The following TBXAS1 variants were observed in gnomAD, a reference collection of about 807,000 sequenced individuals.
TBXAS1 encodes the protein thromboxane-A synthase.
In TBXAS1, 48 loss-of-function variants were observed where a neutral mutation model predicts 60.7. The observed-to-expected ratio is 0.79, with a 90% CI of 0.63 to 1.01. The LOEUF is 1.01. Among genes scored for constraint, TBXAS1 ranks in the 50% least tolerant of loss-of-function variants. TBXAS1 has a pLI of 0.00. For synonymous variants in TBXAS1, 287 were observed against 269.7 expected, an observed-to-expected ratio of 1.06 and a Z score of -0.63; for missense variants, 685 against 686.3, an observed-to-expected ratio of 1.00 and a Z score of 0.02.
intron 12 of TBXAS1, among the ~76,000 whole-genome samples, chr7:140,018,557 T>TC (rs578133271): frequency 4.6e-5 from 7 of 150,806 alleles, no homozygotes; most frequent in Admixed American, 1.3e-4. Context: ...CAGCCCTATC[T>TC]CCCCCCCACA....
chr7:139,906,009 T>C, intron 3 of TBXAS1: 1 of 231,100 alleles, frequency 4.3e-6, no homozygotes, highest in Non-Finnish European at 9.1e-6. Flanking sequence ...CATTTTGAGT[T>C]CATTTTTTGC....
intron 4 of TBXAS1, among the ~76,000 whole-genome samples, chr7:139,805,712 T>TTCTTTC (rs753031062): frequency 0.064 from 2,815 of 43,988 alleles, 44 homozygotes; most frequent in Middle Eastern, 0.11. Flanking sequence ...CTTTCTTTCT[T>TTCTTTC]TCTCTCTCTC....
At chr7:139,922,177 C>T (rs1273487580) in intron 4 of TBXAS1, among the ~76,000 whole-genome samples, 2 of 151,170 alleles carry the variant, frequency 1.3e-5, no homozygotes, top group Admixed American at 6.6e-5. Context: ...TCTCAGCTCA[C>T]TACAACCTCT....
chr7:139,984,662 G>GAAACAAA (rs1812249944), intron 9 of TBXAS1, among the ~76,000 whole-genome samples: 2 of 120,678 alleles, frequency 1.7e-5, no homozygotes, highest in Admixed American at 1.7e-4. Context: ...AAGGGAAGGG[G>GAAACAAA]GAAAGAAAGA....
At chr7:139,929,473 G>T (rs527285266) in intron 4 of TBXAS1, among the ~76,000 whole-genome samples, 1 of 152,258 alleles carries the variant, frequency 6.6e-6, no homozygotes, top group African/African-American at 2.4e-5. Flanking sequence ...GAATGAGTCA[G>T]GGTGGAGCAG....
intron 4 of TBXAS1, among the ~76,000 whole-genome samples, chr7:139,914,759 A>T (rs1219191867): frequency 6.6e-6 from 1 of 152,130 alleles, no homozygotes; most frequent in East Asian, 1.9e-4. Flanking sequence ...GTCACAGTTG[A>T]TCCCCTTGTG....
At chr7:139,942,889 C>T (rs1020848799) in intron 5 of TBXAS1, among the ~76,000 whole-genome samples, 1 of 152,214 alleles carries the variant, frequency 6.6e-6, no homozygotes, top group African/African-American at 2.4e-5. Flanking sequence ...TCCCTGTAGG[C>T]ATTTCCTGAC....
chr7:139,828,795 G>A (rs949975287), upstream of TBXAS1, among the ~76,000 whole-genome samples: 6 of 152,178 alleles, frequency 3.9e-5, no homozygotes, highest in African/African-American at 1.4e-4. Context: ...CAGACACTCA[G>A]ACAGGTCCTC....
intron 3 of TBXAS1, among the ~76,000 whole-genome samples, chr7:139,897,974 A>G (rs1804239894): frequency 6.6e-6 from 1 of 152,168 alleles, no homozygotes; most frequent in South Asian, 2.1e-4. Flanking sequence ...CCAAAAGGGA[A>G]AGACACTCCA....
intron 4 of TBXAS1, among the ~76,000 whole-genome samples, chr7:139,931,727 C>T (rs1807345434): frequency 6.6e-6 from 1 of 152,138 alleles, no homozygotes; most frequent in African/African-American, 2.4e-5. Flanking sequence ...GTCCCTCCCA[C>T]CACACGTGGG....
intron 10 of TBXAS1, among the ~76,000 whole-genome samples, chr7:140,014,114 G>C (rs1248839644): frequency 6.6e-6 from 1 of 152,234 alleles, no homozygotes; most frequent in Non-Finnish European, 1.5e-5. Flanking sequence ...CATGGCTCTG[G>C]TTGTCATGAG....
chr7:139,891,510 T>C (rs1803616426), intron 3 of TBXAS1, among the ~76,000 whole-genome samples: 1 of 152,158 alleles, frequency 6.6e-6, no homozygotes, highest in South Asian at 2.1e-4. Flanking sequence ...TTTTTATTAA[T>C]CCAAAGCTCT....
chr7:139,847,281 T>C (rs1799881561), intron 1 of TBXAS1, among the ~76,000 whole-genome samples: 1 of 152,202 alleles, frequency 6.6e-6, no homozygotes, highest in Non-Finnish European at 1.5e-5. Flanking sequence ...CTTTGCTTCA[T>C]TGGTTGACAT....
intron 1 of TBXAS1, among the ~76,000 whole-genome samples, chr7:139,855,667 G>A (rs1289832049): frequency 6.6e-6 from 1 of 152,154 alleles, no homozygotes; most frequent in East Asian, 1.9e-4. Flanking sequence ...CGTCCCAGAA[G>A]CCATATCTGG....
At chr7:139,833,744 T>C (rs2116510509) in intron 1 of TBXAS1, among the ~76,000 whole-genome samples, 1 of 151,992 alleles carries the variant, frequency 6.6e-6, no homozygotes, top group South Asian at 2.1e-4. Context: ...AAAGGCCTTG[T>C]CCAACAGTAA....
At chr7:139,812,397 T>C (rs1345311608) in intron 4 of TBXAS1, among the ~76,000 whole-genome samples, 3 of 152,196 alleles carry the variant, frequency 2.0e-5, no homozygotes, top group Admixed American at 2.0e-4. Context: ...ACCAAACGTT[T>C]TTCCAGAAAT....
intron 10 of TBXAS1, among the ~76,000 whole-genome samples, chr7:140,015,279 C>T (rs1306221581): frequency 1.3e-5 from 2 of 151,908 alleles, no homozygotes; most frequent in East Asian, 1.9e-4. Context: ...GGAGAGGGAG[C>T]GAGAGGGTGA....
intron 9 of TBXAS1, among the ~76,000 whole-genome samples, chr7:139,992,039 C>A (rs8192858): frequency 0.18 from 27,193 of 152,156 alleles, 2,460 homozygotes; most frequent in Admixed American, 0.24. Flanking sequence ...TTTCTCTCCC[C>A]CAACGCCCAG....
chr7:139,969,973 G>A (rs1210508309), intron 9 of TBXAS1, among the ~76,000 whole-genome samples: 2 of 152,168 alleles, frequency 1.3e-5, no homozygotes, highest in Non-Finnish European at 2.9e-5. Flanking sequence ...AAGTGGCAAC[G>A]GGCTGTGGCA....
Sources: allele counts gnomAD v4.1 joint callset (sites outside exome capture counted in the v4.1 genomes callset), GRCh38; gene constraint gnomAD v4.1.1; transcripts MANE v1.5; gene names NCBI Gene and HGNC (gene_info 2026-07-23, HGNC 2026-07-21).